The following USH2A variants were observed in gnomAD, a reference collection of about 807,000 sequenced individuals.
USH2A encodes usherin.
A neutral mutation model predicts 538.9 loss-of-function variants in USH2A; 443 were observed. That is an observed-to-expected ratio of 0.82 (90% CI 0.76 to 0.89). The LOEUF is 0.89. USH2A is among the 40% of genes least tolerant of loss of function. USH2A has a pLI of 0.00. For synonymous variants in USH2A, 2,413 were observed against 2,273.5 expected (o/e 1.06, Z -1.75); for missense variants, 6,633 against 6,324.8 (o/e 1.05, Z -1.65).
chr1:216,117,084 A>C (rs2033025782), intron 21 of USH2A, among the ~76,000 whole-genome samples: 1 of 152,126 alleles, frequency 6.6e-6, no homozygotes, highest in Non-Finnish European at 1.5e-5. Context: ...GTAGGGCAAG[A>C]AGTCTGTTGG....
At position 215,625,168 on chromosome 1, in the gene USH2A, G is replaced by A. The variant is rs1375699853; in HGVS notation, c.*613C>T. On this transcript the variant is annotated 3_prime_UTR_variant, in exon 72 of 72. Transcript: ENST00000307340. ...ATGTGTTGCCTTGTCAAAAAGTTTGGTGAGTAACCCTATGTATTGTAAATA... is the reference window on the plus strand; with the variant it reads ...ATGTGTTGCCTTGTCAAAAAGTTTGATGAGTAACCCTATGTATTGTAAATA... 6.5e-6 allele frequency: 1 copy of A among 152,986 alleles called. No individual in the cohort carries two copies. Among genetic ancestry groups the A allele is most frequent in the African/African-American group, 2.4e-5 (1 of 41,434 alleles). 9.5% of individuals were successfully genotyped at this position (152,986 alleles called of 1,614,324 possible). A position where few individuals can be genotyped will look rare whatever the true frequency, so the allele number is the denominator to read the frequency against.
chr1:215,716,205 G>A (rs2102702651), intron 61 of USH2A, among the ~76,000 whole-genome samples: 1 of 152,258 alleles, frequency 6.6e-6, no homozygotes, highest in Non-Finnish European at 1.5e-5. Flanking sequence ...AGGGGGGCGG[G>A]GGGGCCCGCC....
At chr1:216,368,147 G>T (rs1015195767) in intron 3 of USH2A, among the ~76,000 whole-genome samples, 7 of 151,242 alleles carry the variant, frequency 4.6e-5, no homozygotes, top group African/African-American at 1.7e-4. Context: ...CCACTTTTTT[G>T]GTCACATTTG....
chr1:215,852,860 A>C (rs797011761), intron 44 of USH2A, among the ~76,000 whole-genome samples: 1 of 152,210 alleles, frequency 6.6e-6, no homozygotes, highest in South Asian at 2.1e-4. Context: ...GGTCTTGGGC[A>C]GCTCTGCACC....
At chr1:216,253,935 T>A (rs1360159394) in intron 11 of USH2A, among the ~76,000 whole-genome samples, 1 of 152,198 alleles carries the variant, frequency 6.6e-6, no homozygotes, top group Admixed American at 6.5e-5. Flanking sequence ...CTCTTCTTCC[T>A]CCTTGCTCTG....
chr1:215,788,029 ATATGTGTG>A (rs1481500347), intron 51 of USH2A, among the ~76,000 whole-genome samples: 3 of 152,022 alleles, frequency 2.0e-5, no homozygotes, highest in Non-Finnish European at 4.4e-5. Context: ...CACTATATAT[ATATGTGTG>A]TGTGTGTATG....
intron 29 of USH2A, among the ~76,000 whole-genome samples, chr1:216,070,792 A>G (rs1163716608): frequency 3.9e-5 from 5 of 128,490 alleles, no homozygotes; most frequent in African/African-American, 5.9e-5. Context: ...TTTCTAATTA[A>G]TTTTTAAAAA....
At chr1:216,024,894 G>A (rs1387632496) in intron 32 of USH2A, among the ~76,000 whole-genome samples, 2 of 151,808 alleles carry the variant, frequency 1.3e-5, no homozygotes, top group Non-Finnish European at 2.9e-5. Context: ...TATTGTTTCA[G>A]TCAATTACAA....
chr1:215,927,727 T>C (rs547781755), intron 38 of USH2A, among the ~76,000 whole-genome samples: 1 of 152,042 alleles, frequency 6.6e-6, no homozygotes, highest in South Asian at 2.1e-4. Context: ...ATACAATATA[T>C]CCATGTGACA....
chr1:215,865,158 T>C (rs768194357), intron 44 of USH2A, among the ~76,000 whole-genome samples: 3 of 152,164 alleles, frequency 2.0e-5, no homozygotes, highest in Non-Finnish European at 4.4e-5. Flanking sequence ...GACTAGTTAA[T>C]TTACTTAAGA....
chr1:216,135,084 A>T (rs561265909), intron 21 of USH2A, among the ~76,000 whole-genome samples: 1 of 151,708 alleles, frequency 6.6e-6, no homozygotes, highest in African/African-American at 2.4e-5. Context: ...CCACTGCTAC[A>T]GTTATGCAAC....
chr1:216,013,765 G>C (rs910755723), intron 32 of USH2A, among the ~76,000 whole-genome samples: 2 of 150,862 alleles, frequency 1.3e-5, no homozygotes, highest in East Asian at 3.9e-4. Flanking sequence ...ATCTCCCTTC[G>C]CTGACTCTCT....
intron 13 of USH2A, among the ~76,000 whole-genome samples, chr1:216,244,089 CT>C (rs2035987529): frequency 6.6e-6 from 1 of 152,136 alleles, no homozygotes; most frequent in African/African-American, 2.4e-5. Flanking sequence ...TTGTTGTTCA[CT>C]GAGTGATGGA....
chr1:216,213,545 T>C (rs1320304260), intron 15 of USH2A, among the ~76,000 whole-genome samples: 1 of 151,990 alleles, frequency 6.6e-6, no homozygotes, highest in Non-Finnish European at 1.5e-5. Flanking sequence ...AAAAATGAAA[T>C]AAAGAACTTA....
At chr1:216,395,804 A>G (rs944986134) in intron 3 of USH2A, among the ~76,000 whole-genome samples, 6 of 152,214 alleles carry the variant, frequency 3.9e-5, no homozygotes, top group African/African-American at 1.4e-4. Flanking sequence ...AACATCCTAC[A>G]ATGCACAGGA....
intron 58 of USH2A, among the ~76,000 whole-genome samples, chr1:215,753,557 A>C (rs1474739128): frequency 3.3e-5 from 5 of 152,066 alleles, no homozygotes; most frequent in Non-Finnish European, 5.9e-5. Context: ...AAACTATCAC[A>C]AGGACAAAAA....
intron 9 of USH2A, among the ~76,000 whole-genome samples, chr1:216,293,831 G>A (rs2102613272): frequency 6.6e-6 from 1 of 152,308 alleles, no homozygotes; most frequent in Non-Finnish European, 1.5e-5. Flanking sequence ...ATCGGTCACT[G>A]ATCACAATGT....
intron 44 of USH2A, among the ~76,000 whole-genome samples, chr1:215,858,921 G>A (rs1664243103): frequency 6.6e-6 from 1 of 152,132 alleles, no homozygotes; most frequent in Non-Finnish European, 1.5e-5. Context: ...CAATCTGGAG[G>A]CTAGAGGTTC....
At chr1:216,361,136 T>C (rs2038483270) in intron 4 of USH2A, among the ~76,000 whole-genome samples, 1 of 152,124 alleles carries the variant, frequency 6.6e-6, no homozygotes. Flanking sequence ...ACGACAACGT[T>C]ACCACTGCAG....
Sources: gnomAD v4.1 joint callset for allele counts (sites outside exome capture counted in the v4.1 genomes callset) on GRCh38, gnomAD v4.1.1 for gene constraint, MANE v1.5 for transcripts, NCBI Gene and HGNC (gene_info 2026-07-23, HGNC 2026-07-21) for gene names.